The following HTR2C variants were observed in gnomAD, a reference collection of about 807,000 sequenced individuals.
The protein encoded by HTR2C is 5-hydroxytryptamine receptor 2C.
In HTR2C, 5 loss-of-function variants were observed where a neutral mutation model predicts 21.0. The ratio of observed to expected loss-of-function variants is 0.24; its 90% CI spans 0.12 to 0.50. HTR2C has a LOEUF of 0.50. HTR2C is among the 20% of genes least tolerant of loss of function. The pLI, the probability that HTR2C is intolerant of heterozygous loss-of-function variation, is 0.98. For missense variants in HTR2C, 271 were observed against 371.2 expected, an observed-to-expected ratio of 0.73 and a Z score of 2.22; for synonymous variants, 150 against 145.3, an observed-to-expected ratio of 1.03 and a Z score of -0.23.
At chrX:114,856,610 G>A (rs1423693583) in intron 5 of HTR2C, among the ~76,000 whole-genome samples, 3 of 110,550 alleles carry the variant, frequency 2.7e-5, no homozygotes. Flanking sequence ...CATGGTACTG[G>A]TATCAAAGCA....
intron 4 of HTR2C, among the ~76,000 whole-genome samples, chrX:114,825,963 A>C (rs34955409): frequency 1.8e-5 from 2 of 111,887 alleles, no homozygotes; most frequent in Non-Finnish European, 3.8e-5. Flanking sequence ...TAATATAAAA[A>C]TTCTAGCATT....
At chrX:114,880,194 A>G (rs1158177982) in intron 5 of HTR2C, among the ~76,000 whole-genome samples, 2 of 110,273 alleles carry the variant, frequency 1.8e-5, no homozygotes, top group Non-Finnish European at 3.8e-5. Flanking sequence ...AAATATATTT[A>G]TTAGGAACCA....
intron 4 of HTR2C, among the ~76,000 whole-genome samples, chrX:114,807,497 CAT>C (rs1296405513): frequency 2.9e-3 from 191 of 66,757 alleles, no homozygotes; most frequent in African/African-American, 8.9e-3. Context: ...ATATATATAC[CAT>C]ATATATACAC....
chrX:114,596,957 C>T (rs1927875746), intron 1 of HTR2C, among the ~76,000 whole-genome samples: 1 of 110,742 alleles, frequency 9.0e-6, no homozygotes, highest in South Asian at 3.8e-4. Flanking sequence ...GTGGCTCACT[C>T]CTGTAATTCC....
chrX:114,791,398 A>G (rs2070231099), intron 4 of HTR2C, among the ~76,000 whole-genome samples: 1 of 112,006 alleles, frequency 8.9e-6, no homozygotes, highest in African/African-American at 3.2e-5. Flanking sequence ...TCTTTAATCC[A>G]CAGGAAATGA....
intron 2 of HTR2C, among the ~76,000 whole-genome samples, chrX:114,660,210 A>G (rs1469330150): frequency 8.9e-6 from 1 of 112,061 alleles, no homozygotes; most frequent in East Asian, 2.8e-4. Flanking sequence ...GATTCAAATT[A>G]TTATTCATGA....
intron 4 of HTR2C, among the ~76,000 whole-genome samples, chrX:114,845,785 G>A (rs908507035): frequency 1.8e-5 from 2 of 109,227 alleles, no homozygotes; most frequent in Admixed American, 9.8e-5. Flanking sequence ...CAAGGTGGGA[G>A]GATTACTTGA....
chrX:114,647,353 A>G (rs1191251242), intron 2 of HTR2C, among the ~76,000 whole-genome samples: 1 of 112,248 alleles, frequency 8.9e-6, no homozygotes, highest in Non-Finnish European at 1.9e-5. Context: ...CCATAAATGC[A>G]TACAATTATT....
At chrX:114,893,797 T>C (rs2071276094) in intron 5 of HTR2C, among the ~76,000 whole-genome samples, 1 of 111,861 alleles carries the variant, frequency 8.9e-6, no homozygotes, top group Non-Finnish European at 1.9e-5. Context: ...GCAAGATATA[T>C]CTGACAAAAG....
At chrX:114,862,402 A>T (rs782536656) in intron 5 of HTR2C, among the ~76,000 whole-genome samples, 17 of 110,534 alleles carry the variant, frequency 1.5e-4, no homozygotes, top group African/African-American at 5.2e-4. Context: ...ATACTATCTT[A>T]AAAAAGGAAG....
intron 5 of HTR2C, among the ~76,000 whole-genome samples, chrX:114,905,516 AG>A (rs2071365344): frequency 9.0e-6 from 1 of 111,220 alleles, no homozygotes; most frequent in African/African-American, 3.3e-5. Context: ...GTGTTCTCTA[AG>A]GTCAGCAAGG....
At chrX:114,870,194 T>TC (rs1307432004) in intron 5 of HTR2C, among the ~76,000 whole-genome samples, 2 of 110,074 alleles carry the variant, frequency 1.8e-5, no homozygotes, top group African/African-American at 6.6e-5. Context: ...TTTAAGTGAT[T>TC]CTCCTGCCTC....
chrX:114,660,348 C>G (rs1229801139), intron 2 of HTR2C, among the ~76,000 whole-genome samples: 1 of 112,025 alleles, frequency 8.9e-6, no homozygotes, highest in Non-Finnish European at 1.9e-5. Context: ...TTAGGAGAAA[C>G]AAGAATCTTG....
intron 3 of HTR2C, among the ~76,000 whole-genome samples, chrX:114,730,101 G>A (rs1447454893): frequency 1.8e-5 from 2 of 111,800 alleles, no homozygotes; most frequent in African/African-American, 6.5e-5. Flanking sequence ...TATTGAACAT[G>A]CTTGGCTGTC....
At chrX:114,889,221 T>G (rs2071241724) in intron 5 of HTR2C, among the ~76,000 whole-genome samples, 1 of 112,240 alleles carries the variant, frequency 8.9e-6, no homozygotes, top group African/African-American at 3.2e-5. Flanking sequence ...TCAGCTCCAT[T>G]AGCTTAGAGG....
chrX:114,814,963 T>TATATAC (rs2070570999), intron 4 of HTR2C, among the ~76,000 whole-genome samples: 2 of 103,409 alleles, frequency 1.9e-5, no homozygotes, highest in African/African-American at 6.9e-5. Flanking sequence ...TATTATAGTA[T>TATATAC]ATATACATAT....
intron 4 of HTR2C, among the ~76,000 whole-genome samples, chrX:114,743,493 A>C (rs1230385016): frequency 3.6e-5 from 4 of 112,176 alleles, no homozygotes; most frequent in Non-Finnish European, 7.5e-5. Context: ...AATATATAGC[A>C]TAGGCTTAAT....
intron 2 of HTR2C, among the ~76,000 whole-genome samples, chrX:114,668,917 A>C (rs1931268899): frequency 9.0e-6 from 1 of 111,397 alleles, no homozygotes; most frequent in Non-Finnish European, 1.9e-5. Context: ...AATATATATA[A>C]CATGTGTATA....
chrX:114,695,123 A>C (rs1215625440), intron 2 of HTR2C, among the ~76,000 whole-genome samples: 3 of 112,079 alleles, frequency 2.7e-5, no homozygotes, highest in Admixed American at 1.9e-4. Context: ...TAACTTATTA[A>C]GGCTTGTAGA....
Sources: allele counts gnomAD v4.1 joint callset (sites outside exome capture counted in the v4.1 genomes callset), GRCh38; gene constraint gnomAD v4.1.1; transcripts MANE v1.5; gene names NCBI Gene and HGNC (gene_info 2026-07-23, HGNC 2026-07-21).